CTNNA3: variants seen among roughly 807,000 people sequenced by gnomAD.
CTNNA3 encodes the protein catenin alpha-3.
A neutral mutation model predicts 95.7 loss-of-function variants in CTNNA3; 76 were observed. That is an observed-to-expected ratio of 0.79 (90% CI 0.66 to 0.96). CTNNA3 has a LOEUF of 0.96. Ranked by LOEUF, CTNNA3 falls within the 40% of genes least tolerant of loss-of-function variation. CTNNA3 has a pLI of 0.00. For missense variants in CTNNA3, 1,191 were observed against 1,089.8 expected (o/e 1.09, Z -1.31); for synonymous variants, 431 against 374.4 (o/e 1.15, Z -1.74).
chr10:66,166,425 C>T (rs2085129049), intron 13 of CTNNA3, among the ~76,000 whole-genome samples: 1 of 148,194 alleles, frequency 6.7e-6, no homozygotes, highest in African/African-American at 2.5e-5. Context: ...ACCCAGGAGG[C>T]AGAGTTTGAA....
At chr10:66,370,353 A>C (rs1228321623) in intron 12 of CTNNA3, among the ~76,000 whole-genome samples, 2 of 152,194 alleles carry the variant, frequency 1.3e-5, no homozygotes, top group Non-Finnish European at 2.9e-5. Flanking sequence ...TTGTTTCATT[A>C]GTTTCATAAA....
rs143550272 is a variant in CTNNA3, at chr10:67,108,236, C to G, written c.1047+72081G>C. Among the ~76,000 whole-genome samples, 382 of 152,182 alleles carry G rather than the reference C, an allele frequency of 2.5e-3. 3 individuals are homozygous for G. The highest frequency in any genetic ancestry group is 8.4e-3 in the African/African-American group (351 of 41,548). ...CAGTAAAGTTGTCATTTAAAAAGTA[C>G]AGTCAAATATATATATTTCTAATCT... On this transcript the variant is annotated intron_variant, in intron 7 of 17. Coordinates refer to ENST00000433211, the MANE Select transcript of CTNNA3 (RefSeq NM_013266.4).
chr10:67,512,447 T>C (rs1400593174), intron 5 of CTNNA3, among the ~76,000 whole-genome samples: 1 of 152,182 alleles, frequency 6.6e-6, no homozygotes. Context: ...TCATGTTCAT[T>C]GCAGCATCAT....
At chr10:66,018,445 A>G (rs1193588652) in intron 15 of CTNNA3, among the ~76,000 whole-genome samples, 1 of 152,116 alleles carries the variant, frequency 6.6e-6, no homozygotes, top group Non-Finnish European at 1.5e-5. Flanking sequence ...TATTATTTTG[A>G]GAAAAATAAT....
At chr10:66,159,573 G>GA (rs967249315) in intron 13 of CTNNA3, among the ~76,000 whole-genome samples, 5 of 149,856 alleles carry the variant, frequency 3.3e-5, no homozygotes, top group Admixed American at 6.7e-5. Flanking sequence ...TTTTGTTAAG[G>GA]ATTTTAGCAT....
chr10:65,922,120 C>T (rs547608494), intron 17 of CTNNA3, among the ~76,000 whole-genome samples: 13 of 152,246 alleles, frequency 8.5e-5, no homozygotes, highest in Non-Finnish European at 1.9e-4. Context: ...CTGGTTCTAC[C>T]TTGCGTTTTT....
intron 5 of CTNNA3, among the ~76,000 whole-genome samples, chr10:67,318,503 A>G (rs1177342729): frequency 6.6e-6 from 1 of 152,216 alleles, no homozygotes; most frequent in Non-Finnish European, 1.5e-5. Context: ...ACATGCATAA[A>G]CCAAAGAACA....
chr10:66,602,870 A>G (rs1482157223), intron 10 of CTNNA3, among the ~76,000 whole-genome samples: 1 of 152,132 alleles, frequency 6.6e-6, no homozygotes, highest in African/African-American at 2.4e-5. Context: ...ATAGATACTG[A>G]AAAAGCTTTT....
At chr10:66,759,003 CAT>C (rs746695487) in intron 9 of CTNNA3, among the ~76,000 whole-genome samples, 21 of 152,124 alleles carry the variant, frequency 1.4e-4, no homozygotes, top group Non-Finnish European at 2.8e-4. Context: ...GAATTTTGCA[CAT>C]GACAACTTTT....
chr10:67,338,323 A>G (rs1461998358), intron 5 of CTNNA3, among the ~76,000 whole-genome samples: 1 of 152,040 alleles, frequency 6.6e-6, no homozygotes, highest in East Asian at 1.9e-4. Flanking sequence ...ACTTTTAAAC[A>G]ATCAGATCTC....
chr10:66,930,815 G>T (rs1455704716), intron 7 of CTNNA3, among the ~76,000 whole-genome samples: 1 of 152,012 alleles, frequency 6.6e-6, no homozygotes, highest in Admixed American at 6.6e-5. Flanking sequence ...TAATAGATAA[G>T]AACGAAAATA....
intron 7 of CTNNA3, among the ~76,000 whole-genome samples, chr10:67,138,190 T>C (rs573978934): frequency 2.6e-4 from 39 of 152,106 alleles, no homozygotes; most frequent in Non-Finnish European, 5.3e-4. Context: ...GAAGTAAAAC[T>C]GTTAAAATCC....
intron 9 of CTNNA3, among the ~76,000 whole-genome samples, chr10:66,680,128 G>GTC (rs1453274049): frequency 6.6e-6 from 1 of 152,010 alleles, no homozygotes; most frequent in Non-Finnish European, 1.5e-5. Context: ...CTCCTGAGTA[G>GTC]CTGGGACTAC....
At chr10:66,398,595 C>T (rs2092997254) in intron 11 of CTNNA3, among the ~76,000 whole-genome samples, 1 of 151,802 alleles carries the variant, frequency 6.6e-6, no homozygotes, top group Non-Finnish European at 1.5e-5. Flanking sequence ...AGAAAGGTAA[C>T]ATGACGGCAA....
chr10:66,845,627 C>T (rs1020245799), intron 7 of CTNNA3, among the ~76,000 whole-genome samples: 42 of 139,304 alleles, frequency 3.0e-4, no homozygotes, highest in Non-Finnish European at 5.9e-4. Flanking sequence ...CGCTTGAACC[C>T]GGGAGGGAGA....
intron 17 of CTNNA3, among the ~76,000 whole-genome samples, chr10:65,958,099 C>A (rs2077769507): frequency 6.7e-6 from 1 of 150,320 alleles, no homozygotes. Context: ...ACTCTTTTTT[C>A]TCTAAACTTC....
chr10:67,086,138 G>T (rs754759624), intron 7 of CTNNA3, among the ~76,000 whole-genome samples: 3 of 152,034 alleles, frequency 2.0e-5, no homozygotes, highest in Non-Finnish European at 4.4e-5. Flanking sequence ...ATAAATGGAT[G>T]AAGGGGTGGA....
intron 5 of CTNNA3, among the ~76,000 whole-genome samples, chr10:67,404,689 A>C (rs1204263083): frequency 2.0e-5 from 3 of 152,180 alleles, no homozygotes; most frequent in Admixed American, 2.0e-4. Context: ...CAACATTCAA[A>C]TTCAGAAAAT....
Position 66,080,517 on chromosome 10 carries a change from A to G in CTNNA3, c.1978-11028T>C, listed in dbSNP as rs2080714730. On this transcript the variant is annotated intron_variant, in intron 14 of 17. Transcript: ENST00000433211. Reference sequence around the variant, plus strand: ...ATTGCAATATCTCTGATTTTTACTTAAAGATGTAGAATATGGGTAAAAAAG... The same window carrying G: ...ATTGCAATATCTCTGATTTTTACTTGAAGATGTAGAATATGGGTAAAAAAG... Among the ~76,000 whole-genome samples, 5 of 152,212 alleles carry G rather than the reference A, an allele frequency of 3.3e-5. No homozygotes were observed. In the South Asian group the frequency reaches 6.2e-4, roughly 19 times the overall value.
Sources: gnomAD v4.1 joint callset for allele counts (sites outside exome capture counted in the v4.1 genomes callset) on GRCh38, gnomAD v4.1.1 for gene constraint, MANE v1.5 for transcripts, NCBI Gene and HGNC (gene_info 2026-07-23, HGNC 2026-07-21) for gene names.